Variants in MGRN1 observed in about 807,000 individuals in gnomAD.
MGRN1 encodes mahogunin ring finger 1, also known as E3 ubiquitin-protein ligase MGRN1.
A neutral mutation model predicts 69.2 loss-of-function variants in MGRN1; 29 were observed. The ratio of observed to expected loss-of-function variants is 0.42; its 90% CI spans 0.31 to 0.57. The LOEUF is 0.57. MGRN1 is among the 20% of genes least tolerant of loss of function. The probability of loss-of-function intolerance (pLI) is 0.15; values close to 1 mark genes in which losing one functional copy is unlikely to be tolerated. For missense variants in MGRN1, 998 were observed against 796.2 expected, an observed-to-expected ratio of 1.25 and a Z score of -3.05; for synonymous variants, 470 against 344.2, an observed-to-expected ratio of 1.37 and a Z score of -4.04.
At chr16:4,654,223 C>G (rs73516867) in intron 4 of MGRN1, among the ~76,000 whole-genome samples, 4,688 of 152,228 alleles carry the variant, frequency 0.031, 249 homozygotes, top group African/African-American at 0.11. Context: ...GTTTGGAGTT[C>G]TGTGTTGGGA....
intron 1 of MGRN1, among the ~76,000 whole-genome samples, chr16:4,631,598 T>C (rs1230005333): frequency 2.0e-5 from 3 of 152,210 alleles, no homozygotes; most frequent in Non-Finnish European, 2.9e-5. Context: ...CCTGGTCTGT[T>C]CTTAGACCAG....
intron 2 of MGRN1, 129 bp from the exon 3 acceptor site, chr16:4,651,834 G>C: frequency 2.5e-6 from 2 of 812,310 alleles, no homozygotes; most frequent in Middle Eastern, 2.3e-4. Flanking sequence ...AGTGCACCCA[G>C]TATAGCCCCT....
intron 1 of MGRN1, chr16:4,640,631 C>T (rs973658595): frequency 2.0e-5 from 3 of 152,278 alleles, no homozygotes; most frequent in African/African-American, 7.2e-5. Context: ...TCCACATAGC[C>T]GGGATTTCCA....
Position 4,689,653 on chromosome 16 carries a change from T to C in MGRN1, c.*745T>C, listed in dbSNP as rs2079412765. ...CCTCCTGGTGCTGGCTTTGGTGACA[T>C]CACAAGGCCCCTCCAGGTGCAGGGG... On this transcript the variant is annotated 3_prime_UTR_variant, in exon 17 of 17. Transcript: ENST00000262370. 6.6e-6 allele frequency: 1 copy of C among 152,172 alleles called. No homozygotes were observed. The allele number at this position is 152,172 out of a possible 1,614,324, so 9.4% of individuals were successfully genotyped here.
intron 5 of MGRN1, chr16:4,658,753 C>T (rs930504437): frequency 5.9e-5 from 9 of 152,080 alleles, no homozygotes; most frequent in Admixed American, 2.0e-4. Flanking sequence ...GCCTGTAATC[C>T]CAGCACTTCG....
chr16:4,640,884 C>T (rs574806101), intron 1 of MGRN1, among the ~76,000 whole-genome samples: 6 of 152,336 alleles, frequency 3.9e-5, no homozygotes, highest in East Asian at 3.9e-4. Context: ...CCAGCTCCAC[C>T]GCTGATGAGC....
rs1479764959 is a variant in MGRN1 at position 4,688,849 on chromosome 16, T to C, written c.1672T>C (p.Trp558Arg). 6.4e-7 allele frequency: 1 copy of C among 1,555,260 alleles called. No homozygotes were observed. Among genetic ancestry groups the C allele is most frequent in the Non-Finnish European group, 8.7e-7 (1 of 1,149,126 alleles). ...CGGCCTCGCCACCACCAGCCCCACC[T>C]GGCCTCCACTTGGTGGCCCCAGCCC... ...AHGLATTSPT[W>R]PPLGGPSPDP... Residue 558 changes from tryptophan to arginine, a missense_variant, in exon 17 of 17, where the codon TGG (tryptophan) becomes CGG (arginine). Physicochemically the swap from Trp to Arg is moderately radical, Grantham distance 101. Transcript: ENST00000262370.
At position 4,657,203 on chromosome 16, in the gene MGRN1, T is replaced by C. The variant is rs1286128577; in HGVS notation, c.444-43T>C. 3 of 1,584,022 alleles carry C rather than the reference T, an allele frequency of 1.9e-6. No homozygotes were observed. In the East Asian group the frequency reaches 6.7e-5, roughly 36 times the overall value. ...TGGGAGGGACGGGCACGGAGGGCCC[T>C]CTTCCTGCCGCAGCCTCACTGCTTG... On this transcript the variant is annotated intron_variant, in intron 4 of 16. Coordinates refer to ENST00000262370, the MANE Select transcript of MGRN1 (RefSeq NM_015246.4).
At position 4,683,940 on chromosome 16, in the gene MGRN1, G is replaced by A. The variant is rs1280843771; in HGVS notation, c.1618+8G>A. Reference sequence around the variant, plus strand: ...CTGACATCTACCTGCCAGGTAAGGGGCTGGGGGTCTGGGGGTGAGGGGCTG... The same window carrying A: ...CTGACATCTACCTGCCAGGTAAGGGACTGGGGGTCTGGGGGTGAGGGGCTG... On this transcript the variant is annotated splice_region_variant and intron_variant, in intron 16 of 16. Coordinates refer to ENST00000262370, the MANE Select transcript of MGRN1 (RefSeq NM_015246.4). The A allele has an allele frequency of 6.3e-7, 1 of 1,582,974 alleles. No individual in the cohort carries two copies. Among genetic ancestry groups the A allele is most frequent in the Non-Finnish European group, 8.6e-7 (1 of 1,164,756 alleles).
intron 2 of MGRN1, chr16:4,651,178 T>A (rs1303862143): frequency 6.6e-6 from 1 of 152,128 alleles, no homozygotes; most frequent in East Asian, 1.9e-4. Flanking sequence ...AAAGGAGAGA[T>A]GCAGACAGCT....
chr16:4,679,584 C>T (rs1323851623), intron 11 of MGRN1, among the ~76,000 whole-genome samples: 3 of 152,234 alleles, frequency 2.0e-5, no homozygotes, highest in South Asian at 2.1e-4. Flanking sequence ...TTCTCCCCAG[C>T]CCTCTTGAGG....
chr16:4,664,858 G>A, intron 6 of MGRN1, 83 bp downstream of exon 6: 3 of 1,553,944 alleles, frequency 1.9e-6, no homozygotes, highest in Middle Eastern at 1.7e-4. Flanking sequence ...GCTTGCAGCA[G>A]TGATGAAGCA....
At chr16:4,647,674 CTG>C (rs1363345638) in intron 1 of MGRN1, among the ~76,000 whole-genome samples, 1 of 152,230 alleles carries the variant, frequency 6.6e-6, no homozygotes, top group Non-Finnish European at 1.5e-5. Context: ...TGCAAATACT[CTG>C]TGACTCGCTC....
chr16:4,636,918 G>C (rs1158943448), intron 1 of MGRN1, among the ~76,000 whole-genome samples: 1 of 150,610 alleles, frequency 6.6e-6, no homozygotes, highest in East Asian at 2.0e-4. Flanking sequence ...AGGAGATCGA[G>C]ACCATCCTGG....
At chr16:4,685,771 G>A (rs1298334267) in intron 16 of MGRN1, among the ~76,000 whole-genome samples, 3 of 152,242 alleles carry the variant, frequency 2.0e-5, no homozygotes, top group Non-Finnish European at 4.4e-5. Flanking sequence ...CGTAAGGCAT[G>A]AACACACGCC....
intron 1 of MGRN1, among the ~76,000 whole-genome samples, chr16:4,637,383 T>A (rs1898356421): frequency 6.6e-6 from 1 of 152,036 alleles, no homozygotes; most frequent in South Asian, 2.1e-4. Flanking sequence ...TGAGCCAAGA[T>A]CGCGCCATTG....
At position 4,687,924 on chromosome 16, in the gene MGRN1, T is replaced by G. The variant is rs559723925; in HGVS notation, c.1619-872T>G. ...TGTCCTGAGCCATTATACCCCTAGA[T>G]TGAAACAGTCAGCACCTTTCAGACG... is the stretch of plus-strand genomic sequence containing the variant. On this transcript the variant is annotated intron_variant, in intron 16 of 16. Transcript: ENST00000262370. 57 of 985,558 alleles carry G rather than the reference T, an allele frequency of 5.8e-5. 1 individual carries two copies. The South Asian group carries it at 2.5e-3, about 44-fold the overall frequency. 61.1% of individuals were successfully genotyped at this position (985,558 alleles called of 1,614,324 possible).
At chr16:4,641,774 C>A (rs1361068493) in intron 1 of MGRN1, among the ~76,000 whole-genome samples, 1 of 152,124 alleles carries the variant, frequency 6.6e-6, no homozygotes, top group Non-Finnish European at 1.5e-5. Flanking sequence ...CTGCCTCGGC[C>A]TCCCAAAGTG....
chr16:4,633,072 G>C (rs190277156), intron 1 of MGRN1, among the ~76,000 whole-genome samples: 23 of 151,648 alleles, frequency 1.5e-4, no homozygotes, highest in African/African-American at 4.8e-4. Flanking sequence ...AGCAGAGTGA[G>C]ACTCTGTCTC....
Sources: allele counts gnomAD v4.1 joint callset (sites outside exome capture counted in the v4.1 genomes callset), GRCh38; gene constraint gnomAD v4.1.1; transcripts MANE v1.5; gene names NCBI Gene and HGNC (gene_info 2026-07-23, HGNC 2026-07-21).